Variants in SGCZ observed in about 807,000 individuals in gnomAD.
SGCZ encodes the protein sarcoglycan zeta, also known as zeta-sarcoglycan.
SGCZ carries 40 observed loss-of-function variants against 41.3 expected under a neutral mutation model. That is an observed-to-expected ratio of 0.97 (90% CI 0.75 to 1.26). The LOEUF is 1.26. Among genes scored for constraint, SGCZ ranks in the 50% most tolerant of loss-of-function variants. SGCZ has a pLI of 0.00. For synonymous variants in SGCZ, 206 were observed against 137.5 expected (o/e 1.50, Z -3.49); for missense variants, 552 against 369.8 (o/e 1.49, Z -4.04).
At chr8:14,522,829 G>A (rs949022019) in intron 2 of SGCZ, among the ~76,000 whole-genome samples, 1 of 151,224 alleles carries the variant, frequency 6.6e-6, no homozygotes, top group Non-Finnish European at 1.5e-5. Context: ...ATTCATATGG[G>A]ATCTTTTTTC....
intron 2 of SGCZ, among the ~76,000 whole-genome samples, chr8:14,414,824 T>G (rs764265803): frequency 2.0e-5 from 3 of 151,936 alleles, no homozygotes; most frequent in Non-Finnish European, 4.4e-5. Flanking sequence ...TTAATAACAA[T>G]TATTAAACAC....
At chr8:14,599,499 T>A (rs1214663305) in intron 1 of SGCZ, among the ~76,000 whole-genome samples, 2 of 152,146 alleles carry the variant, frequency 1.3e-5, no homozygotes, top group African/African-American at 4.8e-5. Context: ...TTAATCTCTT[T>A]ATCTTTCTCT....
At chr8:15,136,521 A>T (rs1332790369) in intron 1 of SGCZ, among the ~76,000 whole-genome samples, 1 of 152,044 alleles carries the variant, frequency 6.6e-6, no homozygotes, top group Non-Finnish European at 1.5e-5. Context: ...ATCTCATCTG[A>T]ATTGTAGATC....
intron 1 of SGCZ, among the ~76,000 whole-genome samples, chr8:14,760,543 T>C (rs1249739212): frequency 6.6e-6 from 1 of 152,204 alleles, no homozygotes; most frequent in Non-Finnish European, 1.5e-5. Context: ...TTTATAACCA[T>C]GTAAAATACG....
chr8:15,170,521 C>T (rs764704964), intron 1 of SGCZ, among the ~76,000 whole-genome samples: 1 of 152,154 alleles, frequency 6.6e-6, no homozygotes, highest in Non-Finnish European at 1.5e-5. Context: ...TTCTCAGTGC[C>T]CCAACTCTAA....
At chr8:14,878,143 A>G (rs976478017) in intron 1 of SGCZ, among the ~76,000 whole-genome samples, 14 of 151,666 alleles carry the variant, frequency 9.2e-5, no homozygotes, top group Admixed American at 2.6e-4. Flanking sequence ...TAAGAAGTAG[A>G]CATGGGTTTA....
intron 1 of SGCZ, among the ~76,000 whole-genome samples, chr8:15,066,013 A>G (rs1000755797): frequency 1.3e-5 from 2 of 152,238 alleles, no homozygotes; most frequent in Non-Finnish European, 2.9e-5. Flanking sequence ...TAATGGCCTT[A>G]GAAGTCCACC....
chr8:14,763,418 C>T (rs1339661512), intron 1 of SGCZ, among the ~76,000 whole-genome samples: 1 of 152,170 alleles, frequency 6.6e-6, no homozygotes, highest in Admixed American at 6.5e-5. Flanking sequence ...TCCATTGTCT[C>T]TTCTTCAAAC....
In SGCZ at chr8:15,084,759, CAAAA is replaced by C. The variant is rs577563608; in HGVS notation, c.39+152822_39+152825del. On this transcript the variant is annotated intron_variant, in intron 1 of 7. Transcript: ENST00000382080. Reference sequence around the variant, plus strand: ...GGAGTGAGACTCCATCTCAAACAAACAAAAGAAAGAAAGAAAGAAAAGAAATCAG... The same window carrying C: ...GGAGTGAGACTCCATCTCAAACAAACGAAAGAAAGAAAGAAAAGAAATCAG... Among the ~76,000 whole-genome samples, 607 of 152,024 alleles carry C rather than the reference CAAAA, an allele frequency of 4.0e-3. 4 individuals carry two copies. Among genetic ancestry groups the C allele is most frequent in the Non-Finnish European group, 6.3e-3 (430 of 67,978 alleles).
chr8:14,349,248 G>A (rs1803003611), intron 2 of SGCZ, among the ~76,000 whole-genome samples: 1 of 152,130 alleles, frequency 6.6e-6, no homozygotes, highest in African/African-American at 2.4e-5. Context: ...TTTGCAGGGA[G>A]AAGGTACTCC....
intron 1 of SGCZ, among the ~76,000 whole-genome samples, chr8:14,936,430 T>C (rs1245296083): frequency 6.6e-6 from 1 of 151,874 alleles, no homozygotes; most frequent in African/African-American, 2.4e-5. Context: ...GTAATGAATA[T>C]CTCGTAATTT....
At chr8:14,393,202 G>A (rs770034441) in intron 2 of SGCZ, among the ~76,000 whole-genome samples, 56 of 152,114 alleles carry the variant, frequency 3.7e-4, no homozygotes, top group Non-Finnish European at 4.9e-4. Flanking sequence ...AAATCACTTT[G>A]GCAGATAGTA....
At chr8:14,951,131 C>A (rs765140568) in intron 1 of SGCZ, among the ~76,000 whole-genome samples, 115 of 151,968 alleles carry the variant, frequency 7.6e-4, no homozygotes, top group Non-Finnish European at 1.6e-3. Context: ...TTAATGTAAT[C>A]TTATGTTTAG....
At chr8:14,683,704 T>C (rs1240627095) in intron 1 of SGCZ, among the ~76,000 whole-genome samples, 1 of 152,148 alleles carries the variant, frequency 6.6e-6, no homozygotes, top group Non-Finnish European at 1.5e-5. Context: ...GTATAATTCT[T>C]CACTTAATTT....
intron 1 of SGCZ, among the ~76,000 whole-genome samples, chr8:14,703,453 G>A (rs1034677181): frequency 2.4e-4 from 37 of 151,888 alleles, no homozygotes; most frequent in African/African-American, 8.2e-4. Flanking sequence ...TCCCTATCTA[G>A]AGAATCTAGG....
At chr8:14,312,239 C>G (rs1801570703) in intron 3 of SGCZ, among the ~76,000 whole-genome samples, 1 of 151,978 alleles carries the variant, frequency 6.6e-6, no homozygotes, top group Admixed American at 6.6e-5. Flanking sequence ...TACTGTGGTT[C>G]AAATTCAAAA....
Position 14,230,767 on chromosome 8 carries a change from G to GGT in SGCZ, c.424+6824_424+6825insAC, listed in dbSNP as rs1554483201. On this transcript the variant is annotated intron_variant, in intron 4 of 7. Coordinates refer to ENST00000382080, the MANE Select transcript of SGCZ (RefSeq NM_139167.4). ...TCCTTCTTTTTTTTTTGGTGGTGGT[G>GGT]GGGGGGTGGTTACTCAAACATCTCT... is the stretch of plus-strand genomic sequence containing the variant. Among the ~76,000 whole-genome samples the GGT allele has an allele frequency of 5.0e-3, 606 of 121,888 alleles. 7 individuals carry two copies. Among genetic ancestry groups the GGT allele is most frequent in the Middle Eastern group, 4.5e-3 (1 of 222 alleles). The allele number at this position is 121,888 out of a possible 152,430, so 80.0% of individuals were successfully genotyped here.
chr8:14,723,820 T>C (rs1412090157), intron 1 of SGCZ, among the ~76,000 whole-genome samples: 1 of 152,114 alleles, frequency 6.6e-6, no homozygotes, highest in Non-Finnish European at 1.5e-5. Flanking sequence ...TATATACTTT[T>C]CTAATTGCAG....
At chr8:15,061,271 A>G (rs541677168) in intron 1 of SGCZ, among the ~76,000 whole-genome samples, 1 of 146,040 alleles carries the variant, frequency 6.8e-6, no homozygotes, top group East Asian at 1.9e-4. Flanking sequence ...CTTAAGACAA[A>G]CTAACACAGG....
Sources: gnomAD v4.1 joint callset for allele counts (sites outside exome capture counted in the v4.1 genomes callset) on GRCh38, gnomAD v4.1.1 for gene constraint, MANE v1.5 for transcripts, NCBI Gene and HGNC (gene_info 2026-07-23, HGNC 2026-07-21) for gene names.